Variants in NFIB observed in about 807,000 individuals in gnomAD.
NFIB encodes nuclear factor 1 B-type.
Under a neutral mutation model 61.5 loss-of-function variants are expected in NFIB, and 11 were observed. The observed-to-expected ratio is 0.18, with a 90% CI of 0.11 to 0.30. The LOEUF (loss-of-function observed/expected upper bound fraction) is 0.30. NFIB is among the 10% of genes least tolerant of loss of function. The pLI is 1.00. For synonymous variants in NFIB, 260 were observed against 216.5 expected, an observed-to-expected ratio of 1.20 and a Z score of -1.76; for missense variants, 471 against 608.9, an observed-to-expected ratio of 0.77 and a Z score of 2.38.
chr9:14,307,161 C>G lies in NFIB; in HGVS notation c.390G>C (p.Leu130=), dbSNP rs757880929. The G allele has an allele frequency of 8.7e-6, 14 of 1,614,132 alleles. No individual in the cohort carries two copies. In the East Asian group the frequency reaches 3.1e-4, roughly 36 times the overall value. Residue 130 remains leucine, a synonymous_variant, in exon 2 of 11, where the codon CTG becomes CTC. Transcript: ENST00000380953. This position sits in a 1 kb window ranked among gnomAD's most constrained non-coding sequence, Gnocchi z 5.3. The part of the protein sequence containing the change: ...CLRQADKVWR[L]DLVMVILFKG... ...TGAACAGGATCACCATGACTAGATC[C>G]AGACGCCAGACTTTGTCTGCCTGTC...
chr9:14,318,126 C>G (rs1216355100), upstream of NFIB, among the ~76,000 whole-genome samples: 63 of 152,262 alleles, frequency 4.1e-4, no homozygotes, highest in Non-Finnish European at 7.4e-5. Flanking sequence ...GAATGATTCT[C>G]TCAGCAACAG....
the NFIB span, among the ~76,000 whole-genome samples, chr9:14,440,388 G>C: frequency 9.2e-5 from 14 of 152,114 alleles, no homozygotes; most frequent in Admixed American, 9.2e-4. Context: ...TCTTTAATTG[G>C]CCTATTTTTT....
intron 2 of NFIB, among the ~76,000 whole-genome samples, chr9:14,237,998 T>A (rs2053967550): frequency 1.3e-5 from 2 of 151,732 alleles, no homozygotes; most frequent in East Asian, 1.9e-4. Flanking sequence ...AAGAAACAAA[T>A]GAATATGAAA....
intron 10 of NFIB, among the ~76,000 whole-genome samples, chr9:14,103,577 A>G (rs1285634622): frequency 6.6e-6 from 1 of 152,168 alleles, no homozygotes; most frequent in African/African-American, 2.4e-5. Flanking sequence ...GTTGTGGCCA[A>G]AGAAATAGGC....
At chr9:14,427,966 G>T in the NFIB span, among the ~76,000 whole-genome samples, 1 of 2,362 alleles carries the variant, frequency 4.2e-4, no homozygotes, top group African/African-American at 8.6e-4. Context: ...TTTTTTTTTG[G>T]CAGGATCTCA....
chr9:14,154,483 G>T (rs958098526), intron 4 of NFIB, among the ~76,000 whole-genome samples: 2 of 152,088 alleles, frequency 1.3e-5, no homozygotes, highest in African/African-American at 4.8e-5. Flanking sequence ...AATTAAAAGT[G>T]AAAACTTTCA....
chr9:14,223,461 T>G (rs1018693981), intron 2 of NFIB, among the ~76,000 whole-genome samples: 7 of 152,246 alleles, frequency 4.6e-5, no homozygotes, highest in African/African-American at 1.7e-4. Context: ...GAAACAAATT[T>G]AAATAGAACA....
the NFIB span, among the ~76,000 whole-genome samples, chr9:14,429,793 C>T: frequency 6.6e-6 from 1 of 152,168 alleles, no homozygotes; most frequent in Non-Finnish European, 1.5e-5. Context: ...CTCTGGCCAG[C>T]AGTACTCCCT....
At chr9:14,138,938 A>C (rs2041379228) in intron 6 of NFIB, among the ~76,000 whole-genome samples, 1 of 152,020 alleles carries the variant, frequency 6.6e-6, no homozygotes, top group South Asian at 2.1e-4. Context: ...TTACCATCTC[A>C]AAATTTTGTT....
chr9:14,343,371 G>A (rs771502329), intron 1 of NFIB, among the ~76,000 whole-genome samples: 4 of 152,158 alleles, frequency 2.6e-5, no homozygotes, highest in Non-Finnish European at 4.4e-5. Flanking sequence ...GACTGAGGCT[G>A]CAGCTGCCCT....
the NFIB span, among the ~76,000 whole-genome samples, chr9:14,453,348 TAGGG>T: frequency 6.6e-6 from 1 of 152,226 alleles, no homozygotes; most frequent in African/African-American, 2.4e-5. Context: ...CACTCCTAGA[TAGGG>T]AGGATTTATC....
At chr9:14,139,649 T>C (rs2041462498) in intron 6 of NFIB, among the ~76,000 whole-genome samples, 1 of 152,192 alleles carries the variant, frequency 6.6e-6, no homozygotes, top group African/African-American at 2.4e-5. Flanking sequence ...CTTTTCCATA[T>C]TAATCAGTAC....
chr9:14,201,474 T>C (rs2049022261), intron 2 of NFIB, among the ~76,000 whole-genome samples: 1 of 152,170 alleles, frequency 6.6e-6, no homozygotes, highest in Non-Finnish European at 1.5e-5. Context: ...ATCCCTTATT[T>C]GATGCAAGAC....
intron 10 of NFIB, 51 bp from the exon 11 acceptor site, chr9:14,088,377 A>T (rs2033210442): frequency 1.4e-6 from 2 of 1,460,116 alleles, no homozygotes; most frequent in Admixed American, 2.3e-5. Flanking sequence ...AAAAAAATAC[A>T]ATGTTAAAAT....
chr9:14,438,069 T>G, the NFIB span, among the ~76,000 whole-genome samples: 2 of 146,178 alleles, frequency 1.4e-5, no homozygotes, highest in East Asian at 2.1e-4. Context: ...TGTGTGTGTG[T>G]GAGATGGAGA....
chr9:14,505,650 A>C, the NFIB span, among the ~76,000 whole-genome samples: 1 of 152,176 alleles, frequency 6.6e-6, no homozygotes, highest in Non-Finnish European at 1.5e-5. Flanking sequence ...CTCCCACTTC[A>C]AAGCCCCCTA....
chr9:14,151,162 T>G (rs2042828098), intron 4 of NFIB, among the ~76,000 whole-genome samples: 1 of 152,020 alleles, frequency 6.6e-6, no homozygotes, highest in Non-Finnish European at 1.5e-5. Flanking sequence ...ATGAAATAGG[T>G]AGTGATAAGA....
chr9:14,214,543 C>A (rs1023306860), intron 2 of NFIB, among the ~76,000 whole-genome samples: 1 of 152,210 alleles, frequency 6.6e-6, no homozygotes, highest in Admixed American at 6.5e-5. Flanking sequence ...AGAAAAGTCA[C>A]GCTTTCCTCT....
At chr9:14,436,902 A>T in the NFIB span, among the ~76,000 whole-genome samples, 1 of 152,092 alleles carries the variant, frequency 6.6e-6, no homozygotes, top group Non-Finnish European at 1.5e-5. Flanking sequence ...AGATGAATAG[A>T]GATAATATAT....
Sources: allele counts gnomAD v4.1 joint callset (sites outside exome capture counted in the v4.1 genomes callset), GRCh38; gene constraint gnomAD v4.1.1; non-coding constraint Gnocchi (gnomAD v3.1); transcripts MANE v1.5; gene names NCBI Gene and HGNC (gene_info 2026-07-23, HGNC 2026-07-21).